PRDM9: variants seen among roughly 807,000 people sequenced by gnomAD.
PRDM9 encodes the protein histone-lysine N-methyltransferase PRDM9.
PRDM9 carries 47 observed loss-of-function variants against 55.6 expected under a neutral mutation model. The observed-to-expected ratio is 0.85, with a 90% confidence interval of 0.67 to 1.08. The LOEUF is 1.08. Ranked by LOEUF, PRDM9 falls within the 50% of genes least tolerant of loss-of-function variation. The pLI is 0.00. For missense variants in PRDM9, 867 were observed against 1,040.3 expected, an observed-to-expected ratio of 0.83 and a Z score of 2.29; for synonymous variants, 312 against 375.7, an observed-to-expected ratio of 0.83 and a Z score of 1.96.
At chr5:23,525,611 G>A (rs148636711) in intron 10 of PRDM9, among the ~76,000 whole-genome samples, 3 of 152,268 alleles carry the variant, frequency 2.0e-5, no homozygotes, top group African/African-American at 7.2e-5. Flanking sequence ...CCCACTTCCT[G>A]ATGGAGAACC....
chr5:23,517,048 G>C (rs911450887), intron 4 of PRDM9, among the ~76,000 whole-genome samples: 124 of 150,632 alleles, frequency 8.2e-4, no homozygotes, highest in African/African-American at 2.8e-3. Flanking sequence ...AGCTACTCAG[G>C]AGGCTGAGGC....
At chr5:23,519,454 C>A (rs2126422038) in intron 5 of PRDM9, among the ~76,000 whole-genome samples, 2 of 152,032 alleles carry the variant, frequency 1.3e-5, no homozygotes, top group Admixed American at 6.5e-5. Flanking sequence ...CTTTAACCTC[C>A]CCCTCCTGGG....
chr5:23,526,243 A>G lies in PRDM9; in HGVS notation c.1155A>G (p.Pro385=). ...KELMAGREPK[P]EIHPCPSCCL... Reference sequence around the variant, plus strand: ...AACTTCCTCTTTCAGAACCAAAGCCAGAGATCCATCCATGTCCCTCATGCT... The same window carrying G: ...AACTTCCTCTTTCAGAACCAAAGCCGGAGATCCATCCATGTCCCTCATGCT... The change falls in exon 11 of 11, where the codon CCA becomes CCG. Residue 385 remains proline (P), a synonymous_variant. Coordinates refer to ENST00000296682, the MANE Select transcript of PRDM9 (RefSeq NM_020227.4). 1.2e-6 allele frequency: 2 copies of G among 1,614,216 alleles called. No homozygotes were observed. Among genetic ancestry groups the G allele is most frequent in the Non-Finnish European group, 1.7e-6 (2 of 1,180,030 alleles).
At chr5:23,509,163 G>A in intron 2 of PRDM9, 61 bp downstream of exon 2, 1 of 1,597,092 alleles carries the variant, frequency 6.3e-7, no homozygotes. Flanking sequence ...GAGTGCTGCA[G>A]ACTCCTGGCC....
At position 23,523,059 on chromosome 5, in the gene PRDM9, G is replaced by A. The variant is rs1739366085; in HGVS notation, c.882+174G>A. Among the ~76,000 whole-genome samples, 4 of 152,186 alleles carry A rather than the reference G, an allele frequency of 2.6e-5. No individual in the cohort carries two copies. The South Asian group carries it at 8.3e-4, about 31-fold the overall frequency. ...CCTATTTAGAGATCAGAGGTTACATGGGAGCAGAGTGGTACAAAGACAAAG... is the reference window on the plus strand; with the variant it reads ...CCTATTTAGAGATCAGAGGTTACATAGGAGCAGAGTGGTACAAAGACAAAG... On this transcript the variant is annotated intron_variant, in intron 8 of 10. Transcript: ENST00000296682.
Position 23,527,877 on chromosome 5 carries a change from G to C in PRDM9, c.*104G>C, listed in dbSNP as rs1739512422. The C allele has an allele frequency of 7.1e-7, 1 of 1,402,726 alleles. No individual in the cohort carries two copies. The highest frequency in any genetic ancestry group is 1.4e-5 in the African/African-American group (1 of 70,226). 86.9% of individuals were successfully genotyped at this position (1,402,726 alleles called of 1,614,324 possible). On this transcript the variant is annotated 3_prime_UTR_variant, in exon 11 of 11. Transcript: ENST00000296682. ...GAGGTGGCTTCAGCGGAAGTCTGCT[G>C]ACCCCTTATATTCCCCGAGAGTATA...
chr5:23,509,987 C>T lies in PRDM9; in HGVS notation c.261C>T (p.Asp87=). 2 of 1,611,614 alleles carry T rather than the reference C, an allele frequency of 1.2e-6. No individual in the cohort carries two copies. Among genetic ancestry groups the T allele is most frequent in the South Asian group, 1.1e-5 (1 of 91,002 alleles). The change falls in exon 4 of 11, where the codon GAC becomes GAT. Residue 87 remains aspartate (D), a synonymous_variant. Coordinates refer to ENST00000296682, the MANE Select transcript of PRDM9 (RefSeq NM_020227.4). ...RRQAIKLQVD[D]TEDSDEEWTP... Reference sequence around the variant, plus strand: ...AGGCCATCAAACTCCAGGTGGATGACACAGAAGATTCTGATGAAGAATGGA... The same window carrying T: ...AGGCCATCAAACTCCAGGTGGATGATACAGAAGATTCTGATGAAGAATGGA...
intron 4 of PRDM9, among the ~76,000 whole-genome samples, chr5:23,513,889 C>G (rs973523519): frequency 6.6e-6 from 1 of 151,782 alleles, no homozygotes; most frequent in African/African-American, 2.4e-5. Flanking sequence ...AAAACAAAAA[C>G]AAAAACAAAA....
At position 23,527,270 on chromosome 5, in the gene PRDM9, G is replaced by A. The variant is rs763874610; in HGVS notation, c.2182G>A (p.Gly728Ser). 42 of 1,539,440 alleles carry A rather than the reference G, an allele frequency of 2.7e-5. No homozygotes were observed. Among genetic ancestry groups the A allele is most frequent in the Non-Finnish European group, 2.7e-5 (31 of 1,139,378 alleles). Residue 728 changes from glycine to serine, a missense_variant, in exon 11 of 11, where the codon GGC (glycine) becomes AGC (serine). Gly to Ser is a moderately conservative substitution (Grantham distance 56). Coordinates refer to ENST00000296682, the MANE Select transcript of PRDM9 (RefSeq NM_020227.4). ...CTATGTCTGCAGGGAGTGTGGGCGG[G>A]GCTTTAGCAATAAGTCACACCTCCT... The part of the protein sequence containing the change: ...KPYVCRECGR[G>S]FSNKSHLLRH...
intron 5 of PRDM9, among the ~76,000 whole-genome samples, chr5:23,520,364 C>T (rs1419784156): frequency 2.2e-5 from 1 of 44,570 alleles, no homozygotes; most frequent in East Asian, 7.0e-4. Context: ...GACTCCTTCT[C>T]AAAAAAAAAA....
chr5:23,517,173 G>A (rs375878837), intron 4 of PRDM9, among the ~76,000 whole-genome samples: 2 of 146,538 alleles, frequency 1.4e-5, no homozygotes, highest in Non-Finnish European at 3.0e-5. Flanking sequence ...AAAAAAAAAG[G>A]TTGGGGGGGC....
chr5:23,519,836 G>A (rs1739291245), intron 5 of PRDM9, among the ~76,000 whole-genome samples: 1 of 151,834 alleles, frequency 6.6e-6, no homozygotes, highest in Admixed American at 6.5e-5. Flanking sequence ...CCGAAGTCAG[G>A]AGTTCGAGAC....
At chr5:23,526,112 G>T (rs1270429871) in intron 10 of PRDM9, 121 bp from the exon 11 acceptor site, 5 of 1,204,886 alleles carry the variant, frequency 4.1e-6, no homozygotes, top group Non-Finnish European at 6.2e-6. Context: ...AGCACTTGGT[G>T]GGAAAGAGCT....
At chr5:23,520,179 AC>A (rs1739300645) in intron 5 of PRDM9, among the ~76,000 whole-genome samples, 1 of 151,868 alleles carries the variant, frequency 6.6e-6, no homozygotes, top group Non-Finnish European at 1.5e-5. Context: ...ATCCTGGCCA[AC>A]CTAGTGAAAC....
intron 6 of PRDM9, among the ~76,000 whole-genome samples, chr5:23,521,398 C>T (rs1215744081): frequency 6.6e-5 from 10 of 152,262 alleles, no homozygotes; most frequent in South Asian, 2.1e-4. Context: ...AGTGCAGTGG[C>T]GCAATCTCGG....
chr5:23,522,330 A>C lies in PRDM9; in HGVS notation c.535A>C (p.Lys179Gln). 6.2e-7 allele frequency: 1 copy of C among 1,614,104 alleles called. No homozygotes were observed. Among genetic ancestry groups the C allele is most frequent in the Non-Finnish European group, 8.5e-7 (1 of 1,179,958 alleles). ...ACTCAGGAAGAAGGAGACTGAAAGA[A>C]AGATGTATAGCCTGCGAGAAAGAAA... is the stretch of plus-strand genomic sequence containing the variant. Reference protein sequence around the residue: ...LELRKKETERKMYSLRERKGH... With the variant: ...LELRKKETERQMYSLRERKGH... Residue 179 changes from lysine (K) to glutamine (Q), a missense_variant, in exon 7 of 11, where the codon AAG (lysine) becomes CAG (glutamine). Physicochemically the swap from Lys to Gln is moderately conservative, Grantham distance 53 (BLOSUM62 1). This residue lies in a region of PRDM9 where 662 missense variants were observed against 711.9 expected (regional missense o/e 0.93). Transcript: ENST00000296682.
intron 1 of PRDM9, 60 bp from the exon 2 acceptor site, chr5:23,508,890 G>A (rs1008453347): frequency 7.6e-5 from 71 of 929,654 alleles, no homozygotes; most frequent in South Asian, 7.2e-4. Context: ...AGAAGACAGA[G>A]CCTGGTTCTG....
chr5:23,520,110 A>G (rs1739298960), intron 5 of PRDM9, among the ~76,000 whole-genome samples: 1 of 151,578 alleles, frequency 6.6e-6, no homozygotes, highest in South Asian at 2.1e-4. Context: ...CATGCCTATA[A>G]TCCCAGCACT....
At position 23,510,016 on chromosome 5, in the gene PRDM9, C is replaced by G. The variant is rs752574389; in HGVS notation, c.290C>G (p.Pro97Arg). The G allele has an allele frequency of 3.7e-6, 6 of 1,612,432 alleles. No individual in the cohort carries two copies. Among genetic ancestry groups the G allele is most frequent in the Non-Finnish European group, 4.2e-6 (5 of 1,178,906 alleles). The part of the protein sequence containing the change: ...DTEDSDEEWT[P>R]RQQVKPPWMA... ...GAAGATTCTGATGAAGAATGGACCC[C>G]TAGGCAGCAAGGTAAGAGGGAAGGG... Residue 97 changes from proline to arginine, a missense_variant, in exon 4 of 11, where the codon CCT becomes CGT. Transcript: ENST00000296682.
Sources: gnomAD v4.1 joint callset for allele counts (sites outside exome capture counted in the v4.1 genomes callset) on GRCh38, gnomAD v4.1.1 for gene constraint, gnomAD v4.1.1 regional missense constraint, MANE v1.5 for transcripts, NCBI Gene and HGNC (gene_info 2026-07-23, HGNC 2026-07-21) for gene names.